The following BNC2 variants were observed in gnomAD, a reference collection of about 807,000 sequenced individuals.
BNC2 encodes the protein zinc finger protein basonuclin-2.
BNC2 carries 20 observed loss-of-function variants against 76.3 expected under a neutral mutation model. That is an observed-to-expected ratio of 0.26 (90% CI 0.18 to 0.38). The LOEUF (loss-of-function observed/expected upper bound fraction) is 0.38. Among genes scored for constraint, BNC2 ranks in the 10% least tolerant of loss-of-function variants. The pLI, the probability that BNC2 is intolerant of heterozygous loss-of-function variation, is 1.00. For synonymous variants in BNC2, 582 were observed against 514.8 expected, an observed-to-expected ratio of 1.13 and a Z score of -1.77; for missense variants, 1,382 against 1,399.8, an observed-to-expected ratio of 0.99 and a Z score of 0.20.
intron 5 of BNC2, among the ~76,000 whole-genome samples, chr9:16,540,828 T>A (rs1390210298): frequency 1.3e-5 from 2 of 152,140 alleles, no homozygotes. Flanking sequence ...CACTAGCACC[T>A]CATTGAAAGA....
At chr9:16,809,421 C>T (rs1817992272) in intron 1 of BNC2, among the ~76,000 whole-genome samples, 1 of 151,882 alleles carries the variant, frequency 6.6e-6, no homozygotes, top group South Asian at 2.1e-4. Flanking sequence ...GGATAAGAGC[C>T]CTGGGATGAG....
chr9:16,480,368 C>T (rs1822021358), intron 5 of BNC2, among the ~76,000 whole-genome samples: 3 of 152,254 alleles, frequency 2.0e-5, no homozygotes, highest in African/African-American at 7.2e-5. Context: ...AGCCCTCGCT[C>T]ACTCTCGGCG....
chr9:16,511,834 T>G (rs1317137354), intron 5 of BNC2, among the ~76,000 whole-genome samples: 1 of 152,184 alleles, frequency 6.6e-6, no homozygotes, highest in Admixed American at 6.5e-5. Context: ...GTAATACTAT[T>G]TCACCAAAAC....
intron 3 of BNC2, among the ~76,000 whole-genome samples, chr9:16,644,746 T>C (rs1036868017): frequency 2.0e-5 from 3 of 152,190 alleles, no homozygotes; most frequent in African/African-American, 4.8e-5. Context: ...ATATCAAACA[T>C]TGCACAGCCA....
chr9:16,806,784 C>G (rs1211814104), intron 1 of BNC2, among the ~76,000 whole-genome samples: 1 of 152,168 alleles, frequency 6.6e-6, no homozygotes, highest in Non-Finnish European at 1.5e-5. Flanking sequence ...GTCCCCTAAT[C>G]AGACTGAAAA....
At chr9:16,486,148 T>G (rs963269457) in intron 5 of BNC2, among the ~76,000 whole-genome samples, 2 of 152,188 alleles carry the variant, frequency 1.3e-5, no homozygotes, top group Non-Finnish European at 2.9e-5. Context: ...GGAATGTTGT[T>G]TTAATGCAAA....
intron 5 of BNC2, among the ~76,000 whole-genome samples, chr9:16,518,157 G>T (rs981465105): frequency 1.3e-5 from 2 of 152,156 alleles, no homozygotes; most frequent in African/African-American, 4.8e-5. Flanking sequence ...GGCTGAACGT[G>T]GTTGCTCATG....
At chr9:16,778,529 C>T (rs187936218) in intron 1 of BNC2, among the ~76,000 whole-genome samples, 210 of 152,346 alleles carry the variant, frequency 1.4e-3, no homozygotes, top group African/African-American at 4.7e-3. Flanking sequence ...CTATTAAGCA[C>T]ATATTATGTG....
intron 1 of BNC2, among the ~76,000 whole-genome samples, chr9:16,764,719 ATAACT>A (rs1274540075): frequency 7.5e-6 from 1 of 132,576 alleles, no homozygotes; most frequent in African/African-American, 2.8e-5. Flanking sequence ...ACAAATTGAC[ATAACT>A]TTACTTATTT....
At chr9:16,536,084 T>C (rs1818122063) in intron 5 of BNC2, among the ~76,000 whole-genome samples, 1 of 152,104 alleles carries the variant, frequency 6.6e-6, no homozygotes, top group African/African-American at 2.4e-5. Context: ...CACAGACTTG[T>C]GAAAAATAAT....
At position 16,799,129 on chromosome 9, in the gene BNC2, T is replaced by C. The variant is rs552024018; in HGVS notation, c.4-60644A>G. On this transcript the variant is annotated intron_variant, in intron 1 of 6. Coordinates refer to ENST00000380672, the MANE Select transcript of BNC2 (RefSeq NM_017637.6). The stretch of plus-strand genomic sequence containing the variant: ...AATGCACATTATTTTCCTTTTTTTT[T>C]CCGATTCTACAAGTAATACACTCTA... 1.9e-4 allele frequency among the ~76,000 whole-genome samples: 29 copies of C among 152,152 alleles called. No individual in the cohort carries two copies. In the South Asian group the frequency reaches 5.2e-3, roughly 27 times the overall value.
intron 5 of BNC2, among the ~76,000 whole-genome samples, chr9:16,529,636 C>G (rs1031883416): frequency 1.3e-5 from 2 of 152,014 alleles, no homozygotes; most frequent in African/African-American, 4.8e-5. Flanking sequence ...ATGATGATTA[C>G]TAGTTGTTCT....
At chr9:16,509,463 T>C (rs955499789) in intron 5 of BNC2, among the ~76,000 whole-genome samples, 2 of 152,220 alleles carry the variant, frequency 1.3e-5, no homozygotes, top group African/African-American at 4.8e-5. Flanking sequence ...ACTAGTAACA[T>C]TGGTATCAGA....
chr9:16,715,507 A>C (rs1823973734), intron 3 of BNC2, among the ~76,000 whole-genome samples: 1 of 152,240 alleles, frequency 6.6e-6, no homozygotes, highest in Admixed American at 6.5e-5. Context: ...CAGAGGGCTG[A>C]ATGTAGCCTG....
At chr9:16,714,942 AAAT>A (rs903098122) in intron 3 of BNC2, among the ~76,000 whole-genome samples, 7 of 152,226 alleles carry the variant, frequency 4.6e-5, no homozygotes, top group African/African-American at 1.7e-4. Context: ...TATACAATAT[AAAT>A]AATGTTTTCT....
intron 3 of BNC2, among the ~76,000 whole-genome samples, chr9:16,695,912 T>C (rs1292079695): frequency 1.3e-5 from 2 of 152,074 alleles, no homozygotes. Flanking sequence ...TTTCCCTGGA[T>C]TTTTCTATAT....
chr9:16,656,340 A>T (rs1821929237), intron 3 of BNC2, among the ~76,000 whole-genome samples: 1 of 152,188 alleles, frequency 6.6e-6, no homozygotes, highest in Non-Finnish European at 1.5e-5. Flanking sequence ...GGGGCCACCC[A>T]TGCTGAGGAG....
intron 4 of BNC2, among the ~76,000 whole-genome samples, chr9:16,566,467 G>A (rs73419419): frequency 6.6e-6 from 1 of 152,050 alleles, no homozygotes; most frequent in Non-Finnish European, 1.5e-5. Flanking sequence ...AATTTGGAGG[G>A]TAAGGTGGCG....
At chr9:16,492,226 T>C (rs149388043) in intron 5 of BNC2, among the ~76,000 whole-genome samples, 1 of 152,102 alleles carries the variant, frequency 6.6e-6, no homozygotes, top group Non-Finnish European at 1.5e-5. Context: ...GAGGATTGGA[T>C]GATTCTACAC....
Sources: gnomAD v4.1 joint callset for allele counts (sites outside exome capture counted in the v4.1 genomes callset) on GRCh38, gnomAD v4.1.1 for gene constraint, MANE v1.5 for transcripts, NCBI Gene and HGNC (gene_info 2026-07-23, HGNC 2026-07-21) for gene names.